Variants in AASDH observed in about 807,000 individuals in gnomAD.
The protein encoded by AASDH is beta-alanine-activating enzyme.
AASDH carries 81 observed loss-of-function variants against 102.3 expected under a neutral mutation model. The ratio of observed to expected loss-of-function variants is 0.79; its 90% CI spans 0.66 to 0.95. The LOEUF (loss-of-function observed/expected upper bound fraction) is 0.95. Ranked by LOEUF, AASDH falls within the 40% of genes least tolerant of loss-of-function variation. AASDH has a pLI of 0.00. For synonymous variants in AASDH, 398 were observed against 454.0 expected (o/e 0.88, Z 1.57); for missense variants, 1,203 against 1,266.2 (o/e 0.95, Z 0.76).
chr4:56,343,164 G>T (rs961613642), intron 13 of AASDH, among the ~76,000 whole-genome samples, 198 bp from the exon 14 acceptor site: 1 of 152,096 alleles, frequency 6.6e-6, no homozygotes, highest in Non-Finnish European at 1.5e-5. Context: ...AAAAAGGCTT[G>T]CAATAAAAGC....
chr4:56,350,206 G>A (rs912483271), intron 10 of AASDH, 148 bp from the exon 11 acceptor site: 2 of 784,366 alleles, frequency 2.5e-6, no homozygotes, highest in East Asian at 5.5e-5. Flanking sequence ...TGTAATCCCA[G>A]TACTCTGGGA....
intron 14 of AASDH, among the ~76,000 whole-genome samples, chr4:56,342,490 T>C (rs1577953522): frequency 6.6e-6 from 1 of 152,076 alleles, no homozygotes; most frequent in Non-Finnish European, 1.5e-5. Context: ...ATAGAAGTTA[T>C]AATAAAACAG....
intron 11 of AASDH, among the ~76,000 whole-genome samples, chr4:56,348,597 G>A (rs1243843441): frequency 6.6e-6 from 1 of 152,032 alleles, no homozygotes; most frequent in East Asian, 1.9e-4. Flanking sequence ...AAAAAATGAT[G>A]GTATGGAACT....
intron 4 of AASDH, among the ~76,000 whole-genome samples, chr4:56,372,935 T>C (rs1751918608): frequency 6.6e-6 from 1 of 152,056 alleles, no homozygotes; most frequent in South Asian, 2.1e-4. Flanking sequence ...AGGGAATGAG[T>C]AATAAACTGA....
At chr4:56,366,524 G>A (rs1162158508) in intron 5 of AASDH, among the ~76,000 whole-genome samples, 1 of 152,196 alleles carries the variant, frequency 6.6e-6, no homozygotes. Context: ...TATCCACCAT[G>A]ATCAAGTGGG....
At chr4:56,376,836 G>T (rs1752388905) in intron 4 of AASDH, among the ~76,000 whole-genome samples, 1 of 151,940 alleles carries the variant, frequency 6.6e-6, no homozygotes, top group Non-Finnish European at 1.5e-5. Flanking sequence ...GGGAGGCCGA[G>T]GCGGGCGGAT....
chr4:56,355,593 G>GTTT (rs149149581), intron 5 of AASDH, among the ~76,000 whole-genome samples, 170 bp from the exon 6 acceptor site: 5 of 91,870 alleles, frequency 5.4e-5, no homozygotes, highest in South Asian at 4.5e-4. Context: ...TTATCTTCTT[G>GTTT]TTTTTTTTTT....
intron 5 of AASDH, among the ~76,000 whole-genome samples, chr4:56,358,389 A>C (rs1578000506): frequency 1.3e-5 from 2 of 150,678 alleles, no homozygotes; most frequent in East Asian, 1.9e-4. Flanking sequence ...AGAATGTTGA[A>C]GTGGCAAAGG....
intron 3 of AASDH, chr4:56,381,720 A>G (rs542407974): frequency 4.0e-5 from 6 of 151,506 alleles, no homozygotes; most frequent in East Asian, 1.9e-4. Context: ...AGTTACCCCA[A>G]TACAAACTGG....
At chr4:56,345,883 A>T (rs996674821) in intron 11 of AASDH, among the ~76,000 whole-genome samples, 3 of 152,232 alleles carry the variant, frequency 2.0e-5, no homozygotes, top group African/African-American at 7.2e-5. Flanking sequence ...TACTATTATA[A>T]CCACATTTTA....
chr4:56,372,635 T>G (rs1261203320), intron 4 of AASDH, among the ~76,000 whole-genome samples: 1 of 152,198 alleles, frequency 6.6e-6, no homozygotes, highest in Non-Finnish European at 1.5e-5. Context: ...TTTTAAAAAT[T>G]ATAACTATGT....
Position 56,353,447 on chromosome 4 carries a change from C to T in AASDH, c.1533G>A (p.Pro511=), listed in dbSNP as rs17086696. 234,548 of 1,611,106 alleles carry T rather than the reference C, an allele frequency of 0.15. 20,093 individuals carry two copies. The highest frequency in any genetic ancestry group is 0.38 in the Admixed American group (22,947 of 59,816). The change falls in exon 9 of 15, where the codon CCG becomes CCA. Residue 511 remains proline (P), a synonymous_variant. Coordinates refer to ENST00000205214, the MANE Select transcript of AASDH (RefSeq NM_181806.4). ...LQKYLPSHAV[P]DELVLIDSLP... Reference sequence around the variant, plus strand: ...GAGAGTCGATCAATACAAGCTCATCCGGGACTGCATGACTTGGAAGATATT... The same window carrying T: ...GAGAGTCGATCAATACAAGCTCATCTGGGACTGCATGACTTGGAAGATATT...
At chr4:56,377,964 C>G (rs1437468997) in intron 4 of AASDH, among the ~76,000 whole-genome samples, 184 bp downstream of exon 4, 1 of 152,146 alleles carries the variant, frequency 6.6e-6, no homozygotes, top group Non-Finnish European at 1.5e-5. Context: ...ACCAACACGC[C>G]TGGCTGATTT....
intron 12 of AASDH, 102 bp from the exon 13 acceptor site, chr4:56,343,786 T>C: frequency 1.7e-6 from 2 of 1,201,102 alleles, no homozygotes; most frequent in Non-Finnish European, 2.3e-6. Flanking sequence ...TATAAGTTTT[T>C]ATCTTTAGTA....
At chr4:56,349,147 T>C in intron 11 of AASDH, 116 bp downstream of exon 11, 1 of 1,121,238 alleles carries the variant, frequency 8.9e-7, no homozygotes, top group Non-Finnish European at 1.2e-6. Flanking sequence ...ACTATAATTT[T>C]TGGACAGCAA....
In AASDH at chr4:56,345,203, G is replaced by A. The variant is rs200007960; in HGVS notation, c.2576C>T (p.Ser859Leu). 1.0e-4 allele frequency: 162 copies of A among 1,613,960 alleles called. No homozygotes were observed. Among genetic ancestry groups the A allele is most frequent in the Admixed American group, 1.7e-4 (10 of 59,984 alleles). The change falls in exon 12 of 15, where the codon TCG (serine) becomes TTG (leucine). Residue 859 changes from serine (S) to leucine (L), a missense_variant. Transcript: ENST00000205214. Reference sequence around the variant, plus strand: ...TCCTGTGGTTGGATCCATGGTTGCCGAGCTTTTGACAGCATCTTCAGTAGT... The same window carrying A: ...TCCTGTGGTTGGATCCATGGTTGCCAAGCTTTTGACAGCATCTTCAGTAGT... ...MFTTEDAVKSSATMDPTTGLI... is the reference protein window; with the variant it reads ...MFTTEDAVKSLATMDPTTGLI...
intron 4 of AASDH, among the ~76,000 whole-genome samples, chr4:56,374,450 A>G (rs922397387): frequency 1.1e-4 from 16 of 152,112 alleles, no homozygotes; most frequent in South Asian, 4.2e-4. Flanking sequence ...TCTGACTGAA[A>G]GCAGAAACTT....
intron 5 of AASDH, among the ~76,000 whole-genome samples, chr4:56,370,386 G>C (rs1416668124): frequency 2.0e-5 from 3 of 151,884 alleles, no homozygotes. Context: ...GGGACAGAGA[G>C]AGAGAGAGAA....
At chr4:56,355,980 A>C (rs1749587821) in intron 5 of AASDH, among the ~76,000 whole-genome samples, 1 of 152,144 alleles carries the variant, frequency 6.6e-6, no homozygotes, top group African/African-American at 2.4e-5. Context: ...CAAAAATATT[A>C]CTTATATTTC....
Sources: gnomAD v4.1 joint callset for allele counts (sites outside exome capture counted in the v4.1 genomes callset) on GRCh38, gnomAD v4.1.1 for gene constraint, MANE v1.5 for transcripts, NCBI Gene and HGNC (gene_info 2026-07-23, HGNC 2026-07-21) for gene names.